The following APCDD1L variants were observed in gnomAD, a reference collection of about 807,000 sequenced individuals.
The protein encoded by APCDD1L is APC down-regulated 1 like.
APCDD1L carries 21 observed loss-of-function variants against 24.2 expected under a neutral mutation model. The observed-to-expected ratio is 0.87, with a 90% confidence interval of 0.61 to 1.25. The LOEUF (loss-of-function observed/expected upper bound fraction) is 1.25, where lower values mean the gene tolerates loss of function less well. APCDD1L is among the 50% of genes most tolerant of loss of function. APCDD1L has a pLI of 0.00. For missense variants in APCDD1L, 704 were observed against 711.7 expected (o/e 0.99, Z 0.12); for synonymous variants, 321 against 323.6 (o/e 0.99, Z 0.09).
intron 3 of APCDD1L, among the ~76,000 whole-genome samples, chr20:58,465,256 A>C (rs910009143): frequency 6.6e-6 from 1 of 151,788 alleles, no homozygotes; most frequent in African/African-American, 2.4e-5. Context: ...CATAAAAAGA[A>C]CTCTGAGGCT....
At chr20:58,488,865 G>A (rs572541327) in intron 1 of APCDD1L, among the ~76,000 whole-genome samples, 78 of 152,174 alleles carry the variant, frequency 5.1e-4, no homozygotes, top group African/African-American at 1.6e-3. Context: ...AAAAGCAGAC[G>A]CTAATAAAAT....
At chr20:58,480,592 G>A (rs558867142) in intron 1 of APCDD1L, among the ~76,000 whole-genome samples, 1 of 152,312 alleles carries the variant, frequency 6.6e-6, no homozygotes, top group South Asian at 2.1e-4. Flanking sequence ...GAAGCGGCTG[G>A]CCACTGAGGA....
chr20:58,479,593 CTTTTT>C (rs10580833), intron 1 of APCDD1L, among the ~76,000 whole-genome samples: 11 of 125,406 alleles, frequency 8.8e-5, no homozygotes, highest in Non-Finnish European at 1.2e-4. Flanking sequence ...TTAAGATTTG[CTTTTT>C]TTTTTTTTTT....
intron 3 of APCDD1L, among the ~76,000 whole-genome samples, chr20:58,466,473 A>G (rs1600843914): frequency 6.6e-6 from 1 of 152,212 alleles, no homozygotes; most frequent in African/African-American, 2.4e-5. Context: ...TGAGGCTCGC[A>G]CTGAGATTTC....
At chr20:58,466,120 T>C (rs1463185147) in intron 3 of APCDD1L, among the ~76,000 whole-genome samples, 7 of 70,932 alleles carry the variant, frequency 9.9e-5, no homozygotes, top group Non-Finnish European at 1.9e-4. Flanking sequence ...TGTTTGCTCA[T>C]CTGGCAAAAA....
chr20:58,467,415 G>T lies in APCDD1L; in HGVS notation c.432C>A (p.Asp144Glu). Residue 144 changes from aspartate to glutamate, a missense_variant, in exon 3 of 4, where the codon GAC (aspartate) becomes GAA (glutamate). Transcript: ENST00000371149. The surrounding 1 kb of genome is among the most constrained non-coding windows in gnomAD (Gnocchi z 5.9). Reference protein sequence around the residue: ...IVFHSRRALVDVTGRLNQTRA... With the variant: ...IVFHSRRALVEVTGRLNQTRA... ...GGGTCTGGTTGAGGCGCCCGGTGAC[G>T]TCGACCAGGGCCCGGCGGCTGTGGA... 1 of 1,550,912 alleles carries T rather than the reference G, an allele frequency of 6.4e-7. No homozygotes were observed. The highest frequency in any genetic ancestry group is 8.7e-7 in the Non-Finnish European group (1 of 1,150,994).
chr20:58,463,894 T>TGGGGGGG (rs35696336), intron 3 of APCDD1L, among the ~76,000 whole-genome samples: 8 of 52,366 alleles, frequency 1.5e-4, no homozygotes, highest in Non-Finnish European at 2.5e-4. Flanking sequence ...AGTTTTTTTT[T>TGGGGGGG]GGGGGGGGGG....
rs1367469135 is a variant in APCDD1L at position 58,467,218 on chromosome 20, C to T, written c.629G>A (p.Arg210Gln). The change falls in exon 3 of 4, where the codon CGG (arginine) becomes CAG (glutamine). Residue 210 changes from arginine (R) to glutamine (Q), a missense_variant. Transcript: ENST00000371149. This position sits in a 1 kb window ranked among gnomAD's most constrained non-coding sequence, Gnocchi z 5.9. ...CTCCTCCACCAGCCGGGGCGACGCC[C>T]GGGGCTGCGGCTGCAGGCGGCGCTG... is the stretch of plus-strand genomic sequence containing the variant. ...RVQRRLQPQP[R>Q]ASPRLVEELY... is the part of the protein sequence containing the mutation. The T allele has an allele frequency of 1.2e-6, 2 of 1,601,350 alleles. No individual in the cohort carries two copies. Among genetic ancestry groups the T allele is most frequent in the Non-Finnish European group, 8.5e-7 (1 of 1,178,156 alleles).
In APCDD1L at chr20:58,461,941, CT is replaced by C. The variant is rs1179852084; in HGVS notation, c.742-388del. On this transcript the variant is annotated intron_variant, in intron 3 of 3. Coordinates refer to ENST00000371149, the MANE Select transcript of APCDD1L (RefSeq NM_153360.3). The surrounding 1 kb of genome is among the most constrained non-coding windows in gnomAD (Gnocchi z 6.0). ...ATCTTCCTCATTCCACCCCCTGAGACTCTCCTCTCTCTACCCCTCACCCCTC... is the reference window on the plus strand; with the variant it reads ...ATCTTCCTCATTCCACCCCCTGAGACCTCCTCTCTCTACCCCTCACCCCTC... The C allele has an allele frequency of 2.5e-5, 5 of 197,676 alleles. No individual in the cohort carries two copies. Among genetic ancestry groups the C allele is most frequent in the Non-Finnish European group, 4.1e-5 (4 of 98,556 alleles). The allele number at this position is 197,676 out of a possible 1,614,324, so 12.2% of individuals were successfully genotyped here.
chr20:58,471,826 C>T (rs1358629849), intron 1 of APCDD1L, among the ~76,000 whole-genome samples: 1 of 152,210 alleles, frequency 6.6e-6, no homozygotes, highest in Non-Finnish European at 1.5e-5. Context: ...AGGCCCAGCT[C>T]CTGCAGCGAA....
At position 58,494,665 on chromosome 20, in the gene APCDD1L, T is replaced by C. The variant is rs972894605; in HGVS notation, c.49+19994A>G. The stretch of plus-strand genomic sequence containing the variant: ...TCAACTGTGTTTCAAAGTATACATA[T>C]ACTTTGTAGTCCTCAAATATCTAAT... On this transcript the variant is annotated intron_variant, in intron 1 of 3. Coordinates refer to ENST00000371149, the MANE Select transcript of APCDD1L (RefSeq NM_153360.3). The surrounding 1 kb of genome is among the most constrained non-coding windows in gnomAD (Gnocchi z 4.8). 4.6e-5 allele frequency among the ~76,000 whole-genome samples: 7 copies of C among 152,184 alleles called. No individual in the cohort carries two copies. Among genetic ancestry groups the C allele is most frequent in the African/African-American group, 1.7e-4 (7 of 41,434 alleles).
At position 58,467,588 on chromosome 20, in the gene APCDD1L, C is replaced by A; in HGVS notation, c.259G>T (p.Ala87Ser). 1 of 1,561,404 alleles carries A rather than the reference C, an allele frequency of 6.4e-7. No homozygotes were observed. The highest frequency in any genetic ancestry group is 1.4e-5 in the African/African-American group (1 of 71,800). Residue 87 changes from alanine (A) to serine (S), a missense_variant, in exon 3 of 4, where the codon GCC becomes TCC. By Grantham distance (99) the Ala-to-Ser change is moderately conservative (BLOSUM62 1). Coordinates refer to ENST00000371149, the MANE Select transcript of APCDD1L (RefSeq NM_153360.3). This position sits in a 1 kb window ranked among gnomAD's most constrained non-coding sequence, Gnocchi z 5.9. Reference protein sequence around the residue: ...YTFYPSRLFRAHQFYYEDPFC... With the variant: ...YTFYPSRLFRSHQFYYEDPFC... ...GGGTCCTCGTAGTAGAACTGGTGGG[C>A]TCGAAAGAGCCGGCTGGGGTAGAAG... is the stretch of plus-strand genomic sequence containing the variant.
chr20:58,483,524 G>A (rs1451159008), intron 1 of APCDD1L, among the ~76,000 whole-genome samples: 4 of 152,184 alleles, frequency 2.6e-5, no homozygotes, highest in South Asian at 2.1e-4. Flanking sequence ...CTGTTAGGAT[G>A]AGGCTAAGGC....
intron 1 of APCDD1L, among the ~76,000 whole-genome samples, chr20:58,509,022 TCAA>T (rs1377718631): frequency 7.1e-6 from 1 of 140,850 alleles, no homozygotes; most frequent in Non-Finnish European, 1.5e-5. Flanking sequence ...GTGTGTGGAG[TCAA>T]CGAGTCAATT....
At position 58,461,456 on chromosome 20, in the gene APCDD1L, C is replaced by A; in HGVS notation, c.840G>T (p.Leu280=). The A allele has an allele frequency of 6.7e-7, 1 of 1,499,458 alleles. No homozygotes were observed. The highest frequency in any genetic ancestry group is 2.3e-5 in the East Asian group (1 of 42,730). 92.9% of individuals were successfully genotyped at this position (1,499,458 alleles called of 1,614,324 possible). A position where few individuals can be genotyped will look rare whatever the true frequency, so the allele number is the denominator to read the frequency against. The change falls in exon 4 of 4, where the codon CTG becomes CTT. Residue 280 remains leucine (L), a synonymous_variant. Transcript: ENST00000371149. The surrounding 1 kb of genome is among the most constrained non-coding windows in gnomAD (Gnocchi z 6.0). ...LPPPLALPLH[L]GGWWVSSGCE... ...ACCCCGAGCTGACCCACCAGCCGCC[C>A]AGGTGCAGGGGCAGGGCCAGAGGGG...
At chr20:58,486,867 T>G (rs1341100574) in intron 1 of APCDD1L, among the ~76,000 whole-genome samples, 1 of 133,110 alleles carries the variant, frequency 7.5e-6, no homozygotes, top group Non-Finnish European at 1.6e-5. Context: ...TTTTTTTTTT[T>G]TTTTTTTTTT....
rs748629322 is a variant in APCDD1L, at chr20:58,508,501, T to G, written c.49+6158A>C. 1.3e-5 allele frequency among the ~76,000 whole-genome samples: 2 copies of G among 152,148 alleles called. No homozygotes were observed. The highest frequency in any genetic ancestry group is 4.8e-5 in the African/African-American group (2 of 41,434). On this transcript the variant is annotated intron_variant, in intron 1 of 3. Transcript: ENST00000371149. This position sits in a 1 kb window ranked among gnomAD's most constrained non-coding sequence, Gnocchi z 4.0. ...AATCTCAAAATGCCCCCTGAAGTGG[T>G]TGACATCCTCGATTAGATGTTGGCA...
In APCDD1L at chr20:58,503,435, GA is replaced by G. The variant is rs1449913545; in HGVS notation, c.49+11223del. The stretch of plus-strand genomic sequence containing the variant: ...CTATCTAGAAACCACACCCAACCAT[GA>G]AAAACACATGTTAAAGCAACTCTAA... On this transcript the variant is annotated intron_variant, in intron 1 of 3. Transcript: ENST00000371149. 2.0e-5 allele frequency among the ~76,000 whole-genome samples: 3 copies of G among 152,170 alleles called. No homozygotes were observed. The East Asian group carries it at 5.8e-4, about 29-fold the overall frequency.
chr20:58,469,500 T>C (rs1989772830), intron 2 of APCDD1L, among the ~76,000 whole-genome samples: 1 of 152,040 alleles, frequency 6.6e-6, no homozygotes, highest in Non-Finnish European at 1.5e-5. Context: ...AGGAAGAAAG[T>C]TCTAGAAGAA....
Sources: allele counts gnomAD v4.1 joint callset (sites outside exome capture counted in the v4.1 genomes callset), GRCh38; gene constraint gnomAD v4.1.1; non-coding constraint Gnocchi (gnomAD v3.1); transcripts MANE v1.5; gene names NCBI Gene and HGNC (gene_info 2026-07-23, HGNC 2026-07-21).